MYO5A: variants seen among roughly 807,000 people sequenced by gnomAD.
MYO5A encodes the protein myosin VA.
A neutral mutation model predicts 249.7 loss-of-function variants in MYO5A; 98 were observed. The observed-to-expected ratio is 0.39, with a 90% CI of 0.33 to 0.46. The LOEUF is 0.46. Ranked by LOEUF, MYO5A falls within the 20% of genes least tolerant of loss-of-function variation. The pLI, the probability that MYO5A is intolerant of heterozygous loss-of-function variation, is 0.98. For missense variants in MYO5A, 1,696 were observed against 2,308.8 expected (o/e 0.73, Z 5.44); for synonymous variants, 778 against 810.6 (o/e 0.96, Z 0.68).
chr15:52,346,302 C>T, intron 30 of MYO5A, 59 bp downstream of exon 30: 1 of 1,049,534 alleles, frequency 9.5e-7, no homozygotes, highest in Non-Finnish European at 1.5e-6. Flanking sequence ...AAGAGGCTGG[C>T]TTGAAGGCTA....
Position 52,407,380 on chromosome 15 carries a change from A to G in MYO5A, c.858T>C (p.Asn286=). ...CAGGACTGCCTCCTTGTTTTGTGTA[A>G]TTAAAGTTATCTGCATTTCCTGTAA... The part of the protein sequence containing the change: ...MLRLGNADNF[N]YTKQGGSPVI... The change falls in exon 8 of 42, where the codon AAT becomes AAC. Residue 286 remains asparagine (N), a synonymous_variant. Transcript: ENST00000399233. The G allele has an allele frequency of 6.2e-7, 1 of 1,613,382 alleles. No homozygotes were observed. Among genetic ancestry groups the G allele is most frequent in the East Asian group, 2.2e-5 (1 of 44,862 alleles).
rs369795395 is a variant in MYO5A, at chr15:52,459,027, T to C, written c.28-25742A>G. 1.1e-4 allele frequency among the ~76,000 whole-genome samples: 17 copies of C among 151,744 alleles called. No individual in the cohort carries two copies. In the East Asian group the frequency reaches 1.7e-3, roughly 16 times the overall value. ...TTTTGGGGGGCAGGGGGAGAAGGGG[T>C]CTCGCTCTGTTGCCCAGGCTGGAGT... On this transcript the variant is annotated intron_variant, in intron 1 of 41. Transcript: ENST00000399233.
intron 1 of MYO5A, among the ~76,000 whole-genome samples, chr15:52,459,301 G>T (rs1166620805): frequency 2.0e-5 from 3 of 151,820 alleles, no homozygotes; most frequent in Non-Finnish European, 4.4e-5. Flanking sequence ...TAGGCAGAGG[G>T]CCCTGCCGCC....
At chr15:52,525,771 G>C (rs961075158) in intron 1 of MYO5A, among the ~76,000 whole-genome samples, 2 of 151,952 alleles carry the variant, frequency 1.3e-5, no homozygotes, top group Admixed American at 6.6e-5. Flanking sequence ...TTTATCTCTG[G>C]AATCAGCCCA....
intron 9 of MYO5A, among the ~76,000 whole-genome samples, chr15:52,400,565 T>C (rs1198488147): frequency 6.6e-6 from 1 of 152,244 alleles, no homozygotes; most frequent in Non-Finnish European, 1.5e-5. Context: ...CATGTTTCAT[T>C]AGTCTCCTTT....
chr15:52,423,790 T>C (rs1181450398), intron 4 of MYO5A, among the ~76,000 whole-genome samples: 1 of 152,120 alleles, frequency 6.6e-6, no homozygotes, highest in Non-Finnish European at 1.5e-5. Flanking sequence ...AGAAATTACC[T>C]TGAGTGACTG....
At chr15:52,427,599 G>A (rs1295820980) in intron 3 of MYO5A, among the ~76,000 whole-genome samples, 1 of 152,140 alleles carries the variant, frequency 6.6e-6, no homozygotes, top group Non-Finnish European at 1.5e-5. Context: ...TATAAAGGAT[G>A]TTAATTATTT....
chr15:52,375,976 T>C (rs1195558732), intron 19 of MYO5A, among the ~76,000 whole-genome samples: 2 of 152,260 alleles, frequency 1.3e-5, no homozygotes, highest in African/African-American at 4.8e-5. Flanking sequence ...CACTAAAGTG[T>C]AATTCTCTTC....
chr15:52,385,584 A>T (rs2041940771), intron 14 of MYO5A, among the ~76,000 whole-genome samples: 1 of 146,708 alleles, frequency 6.8e-6, no homozygotes, highest in Admixed American at 7.0e-5. Context: ...ATATTTTTTT[A>T]AACTCCTTTT....
In MYO5A at chr15:52,348,902, A is replaced by G. The variant is rs1483771343; in HGVS notation, c.3850-76T>C. The G allele has an allele frequency of 4.8e-6, 7 of 1,465,330 alleles. No individual in the cohort carries two copies. The Admixed American group carries it at 7.6e-5, about 16-fold the overall frequency. 90.8% of individuals were successfully genotyped at this position (1,465,330 alleles called of 1,614,324 possible). On this transcript the variant is annotated intron_variant, in intron 28 of 41. Coordinates refer to ENST00000399233, the MANE Select transcript of MYO5A (RefSeq NM_001382347.1). ...TTAGTTCCATAAATAAATTTCATCA[A>G]TGAGTTCCTATTATAACAGATAAAA...
At chr15:52,415,862 CTT>C (rs2043458000) in intron 5 of MYO5A, 2 of 439,810 alleles carry the variant, frequency 4.5e-6, no homozygotes, top group Non-Finnish European at 8.3e-6. Flanking sequence ...GAGAAGGAAA[CTT>C]AATTGCTGCC....
At chr15:52,318,594 A>C (rs1384851660) in intron 39 of MYO5A, among the ~76,000 whole-genome samples, 1 of 152,146 alleles carries the variant, frequency 6.6e-6, no homozygotes, top group Non-Finnish European at 1.5e-5. Context: ...TTAGTAAAAG[A>C]TCTATCAGAC....
intron 40 of MYO5A, 82 bp downstream of exon 40, chr15:52,316,966 A>AT: frequency 4.9e-6 from 7 of 1,419,630 alleles, no homozygotes; most frequent in Non-Finnish European, 6.0e-6. Flanking sequence ...GATACAAGCA[A>AT]TAAGTAGAGG....
At chr15:52,322,765 CT>C (rs532700706) in intron 37 of MYO5A, among the ~76,000 whole-genome samples, 258 of 144,142 alleles carry the variant, frequency 1.8e-3, no homozygotes, top group Admixed American at 6.9e-3. Flanking sequence ...TTTGATCACC[CT>C]TTTTTTTTTT....
At chr15:52,408,214 T>C (rs1448293684) in intron 6 of MYO5A, 74 bp from the exon 7 acceptor site, 34 of 814,404 alleles carry the variant, frequency 4.2e-5, no homozygotes, top group Non-Finnish European at 6.8e-5. Flanking sequence ...AAAATAAGAT[T>C]TTAATATTTA....
In MYO5A at chr15:52,379,662, T is replaced by C; in HGVS notation, c.2171A>G (p.Lys724Arg). Residue 724 changes from lysine to arginine, a missense_variant, in exon 18 of 42, where the codon AAG (lysine) becomes AGG (arginine). Transcript: ENST00000399233. ...MKQKDVLSDR[K>R]QTCKNVLEKL... ...CTCTAACACATTCTTGCATGTTTGC[T>C]TTCTGTCACTCAGCACATCTTTCTG... 1 of 1,614,214 alleles carries C rather than the reference T, an allele frequency of 6.2e-7. No homozygotes were observed. Among genetic ancestry groups the C allele is most frequent in the Non-Finnish European group, 8.5e-7 (1 of 1,180,020 alleles).
chr15:52,375,240 T>C lies in MYO5A; in HGVS notation c.2577+64A>G, dbSNP rs763904351. The C allele has an allele frequency of 1.4e-4, 219 of 1,537,316 alleles. 1 individual carries two copies. The highest frequency in any genetic ancestry group is 1.8e-4 in the Non-Finnish European group (200 of 1,111,624). On this transcript the variant is annotated intron_variant, in intron 20 of 41. Coordinates refer to ENST00000399233, the MANE Select transcript of MYO5A (RefSeq NM_001382347.1). ...TCATTGTAGCCCCTGTGGTACTCTG[T>C]ATAGATGTGAAATTTGGTTAATGCT...
At chr15:52,502,213 T>G (rs1228036106) in intron 1 of MYO5A, among the ~76,000 whole-genome samples, 2 of 151,758 alleles carry the variant, frequency 1.3e-5, no homozygotes, top group Non-Finnish European at 2.9e-5. Flanking sequence ...AACCTGGGAG[T>G]CAGAGGTTAC....
At chr15:52,528,906 G>T, upstream of MYO5A, 1 of 1,204,282 alleles carries the variant, frequency 8.3e-7, no homozygotes, top group South Asian at 2.2e-5. Context: ...CCGCCGGCAG[G>T]GAGCAGGGCA....
Sources: allele counts gnomAD v4.1 joint callset (sites outside exome capture counted in the v4.1 genomes callset), GRCh38; gene constraint gnomAD v4.1.1; transcripts MANE v1.5; gene names NCBI Gene and HGNC (gene_info 2026-07-23, HGNC 2026-07-21).